The following REDIC1 variants were observed in gnomAD, a reference collection of about 807,000 sequenced individuals.
REDIC1 encodes HEI10 Interacting Protein 1.
the REDIC1 span, among the ~76,000 whole-genome samples, chr12:39,655,747 G>A: frequency 6.6e-5 from 10 of 152,272 alleles, no homozygotes; most frequent in Admixed American, 2.0e-4. Context: ...ATCTAGGGGT[G>A]GAGGGAAGGG....
the REDIC1 span, among the ~76,000 whole-genome samples, chr12:39,907,340 G>T: frequency 2.7e-3 from 406 of 152,182 alleles, 1 homozygote; most frequent in African/African-American, 9.4e-3. Context: ...TGTTCATGCT[G>T]ATTTTCCTAA....
the REDIC1 span, among the ~76,000 whole-genome samples, chr12:39,735,268 C>G: frequency 6.6e-6 from 1 of 152,062 alleles, no homozygotes; most frequent in Non-Finnish European, 1.5e-5. Flanking sequence ...CTATATGCCC[C>G]TAGAGGTGGC....
At chr12:39,734,267 G>C in the REDIC1 span, among the ~76,000 whole-genome samples, 215 of 152,302 alleles carry the variant, frequency 1.4e-3, no homozygotes, top group African/African-American at 4.9e-3. Context: ...AGTAGGATGA[G>C]CTGGGTACCT....
At chr12:39,764,238 T>C in the REDIC1 span, among the ~76,000 whole-genome samples, 6 of 152,042 alleles carry the variant, frequency 3.9e-5, no homozygotes, top group Non-Finnish European at 7.4e-5. Context: ...GTGACAGCCC[T>C]AAGCACTGTG....
chr12:39,667,727 T>C, the REDIC1 span, among the ~76,000 whole-genome samples: 3 of 152,220 alleles, frequency 2.0e-5, no homozygotes, highest in Non-Finnish European at 2.9e-5. Context: ...CTCTAATGAC[T>C]TGCTTTGTGA....
At chr12:39,638,004 C>T in the REDIC1 span, among the ~76,000 whole-genome samples, 1 of 151,938 alleles carries the variant, frequency 6.6e-6, no homozygotes, top group Non-Finnish European at 1.5e-5. Flanking sequence ...GTATCTGAGG[C>T]CCCTGTTTAT....
chr12:39,683,158 A>T, the REDIC1 span: 44 of 1,554,922 alleles, frequency 2.8e-5, 1 homozygote, highest in Admixed American at 9.0e-4. Flanking sequence ...TTGTACATGG[A>T]AAATGTAATT....
At chr12:39,650,055 A>AT in the REDIC1 span, among the ~76,000 whole-genome samples, 5 of 152,004 alleles carry the variant, frequency 3.3e-5, no homozygotes, top group South Asian at 2.1e-4. The surrounding 1 kb of genome is among the most constrained non-coding windows in gnomAD (Gnocchi z 4.3). Flanking sequence ...ACTGGTATTG[A>AT]TTTTTTTGTT....
the REDIC1 span, among the ~76,000 whole-genome samples, chr12:39,786,266 A>G: frequency 6.6e-6 from 1 of 152,220 alleles, no homozygotes. Flanking sequence ...TCCTCGTGAT[A>G]GCGAATAAGT....
the REDIC1 span, among the ~76,000 whole-genome samples, chr12:39,678,930 G>A: frequency 6.6e-6 from 1 of 151,944 alleles, no homozygotes; most frequent in Non-Finnish European, 1.5e-5. Context: ...AGCAAAATCA[G>A]CATAAAAGGG....
chr12:39,669,702 C>G, the REDIC1 span, among the ~76,000 whole-genome samples: 1 of 152,218 alleles, frequency 6.6e-6, no homozygotes, highest in African/African-American at 2.4e-5. Context: ...GGGCTCCACC[C>G]AGTTGGAGCT....
the REDIC1 span, among the ~76,000 whole-genome samples, chr12:39,719,779 C>T: frequency 1.3e-3 from 203 of 151,950 alleles, 2 homozygotes; most frequent in Non-Finnish European, 2.2e-3. Context: ...AATATTTGTA[C>T]GTATTTAATT....
chr12:39,879,413 C>A, the REDIC1 span, among the ~76,000 whole-genome samples: 1 of 152,206 alleles, frequency 6.6e-6, no homozygotes, highest in Non-Finnish European at 1.5e-5. Flanking sequence ...ATGGGATCAG[C>A]CCTGGGGACT....
chr12:39,906,594 T>C, the REDIC1 span, among the ~76,000 whole-genome samples: 2 of 152,294 alleles, frequency 1.3e-5, no homozygotes, highest in Middle Eastern at 3.4e-3. Context: ...AAGTTAAACC[T>C]AGTTTTCTGT....
chr12:39,905,605 T>C, the REDIC1 span, among the ~76,000 whole-genome samples: 3 of 152,130 alleles, frequency 2.0e-5, no homozygotes, highest in Admixed American at 6.6e-5. Context: ...ATTTTCCTCA[T>C]TATTAGTCTT....
chr12:39,680,768 GCACA>G, the REDIC1 span, among the ~76,000 whole-genome samples: 3 of 149,704 alleles, frequency 2.0e-5, no homozygotes, highest in South Asian at 2.1e-4. Flanking sequence ...AAATACATAC[GCACA>G]CACACACACA....
chr12:39,815,142 G>A, the REDIC1 span, among the ~76,000 whole-genome samples: 1 of 152,060 alleles, frequency 6.6e-6, no homozygotes, highest in Non-Finnish European at 1.5e-5. Context: ...ACAAATCAAA[G>A]TCGTTGGATT....
the REDIC1 span, chr12:39,755,669 T>C: frequency 2.0e-5 from 3 of 152,104 alleles, no homozygotes. Context: ...TTTTCTCATT[T>C]ATGCTGACAT....
At chr12:39,663,223 C>G in the REDIC1 span, among the ~76,000 whole-genome samples, 5 of 151,864 alleles carry the variant, frequency 3.3e-5, no homozygotes, top group Non-Finnish European at 7.4e-5. Flanking sequence ...GTCTCCAACT[C>G]TTATTGTATT....
Sources: gnomAD v4.1 joint callset for allele counts (sites outside exome capture counted in the v4.1 genomes callset) on GRCh38, gnomAD v4.1.1 for gene constraint, Gnocchi (gnomAD v3.1) non-coding constraint, MANE v1.5 for transcripts, NCBI Gene and HGNC (gene_info 2026-07-23, HGNC 2026-07-21) for gene names.